ARMCX4: variants seen among roughly 807,000 people sequenced by gnomAD.
ARMCX4 encodes armadillo repeat-containing X-linked protein 4.
In ARMCX4, 3 loss-of-function variants were observed where a neutral mutation model predicts 34.7. That is an observed-to-expected ratio of 0.09 (90% CI 0.04 to 0.22). The LOEUF (loss-of-function observed/expected upper bound fraction) is 0.22, where lower values mean the gene tolerates loss of function less well. Ranked by LOEUF, ARMCX4 falls within the 10% of genes least tolerant of loss-of-function variation. The pLI is 1.00. For missense variants in ARMCX4, 1,448 were observed against 1,720.8 expected (o/e 0.84, Z 2.81); for synonymous variants, 513 against 632.8 (o/e 0.81, Z 2.84).
chrX:101,451,533 G>A (rs1366852513), downstream of ARMCX4, among the ~76,000 whole-genome samples: 7 of 108,309 alleles, frequency 6.5e-5, no homozygotes, highest in Non-Finnish European at 1.2e-4. Flanking sequence ...ACCAGGTACT[G>A]TGAGTACTCA....
At chrX:101,535,745 TTAAG>T (rs1189228475), downstream of ARMCX4, among the ~76,000 whole-genome samples, 5 of 111,983 alleles carry the variant, frequency 4.5e-5, no homozygotes, top group East Asian at 2.8e-4. Flanking sequence ...TTTCCTAAAA[TTAAG>T]TTTTACTAAG....
intron 11 of ARMCX4, among the ~76,000 whole-genome samples, chrX:101,531,331 A>T (rs1399509502): frequency 8.9e-6 from 1 of 112,159 alleles, no homozygotes; most frequent in African/African-American, 3.2e-5. Flanking sequence ...CAATATGTAG[A>T]CATCTTTGAG....
At chrX:101,435,616 T>C (rs1930683367) in intron 2 of ARMCX4, among the ~76,000 whole-genome samples, 1 of 111,035 alleles carries the variant, frequency 9.0e-6, no homozygotes, top group Non-Finnish European at 1.9e-5. Flanking sequence ...GGTAGTTTTT[T>C]TTTTTTGCTG....
intron 2 of ARMCX4, among the ~76,000 whole-genome samples, chrX:101,423,588 G>A (rs1326726882): frequency 9.1e-6 from 1 of 109,480 alleles, no homozygotes; most frequent in Non-Finnish European, 1.9e-5. Context: ...TTGCACTCTA[G>A]CCTGGGCAAC....
chrX:101,499,652 T>C (rs2147685621), downstream of ARMCX4, among the ~76,000 whole-genome samples: 1 of 111,952 alleles, frequency 8.9e-6, no homozygotes, highest in South Asian at 3.7e-4. Context: ...TAGGCGGATG[T>C]AAATACCACA....
intron 4 of ARMCX4, among the ~76,000 whole-genome samples, chrX:101,455,761 C>G (rs1314117759): frequency 9.0e-6 from 1 of 110,999 alleles, no homozygotes; most frequent in Non-Finnish European, 1.9e-5. Context: ...ATCTCACCAC[C>G]CAGATTGTGA....
exon 8 of ARMCX4, chrX:101,505,049 T>C (rs782390720): frequency 1.2e-4 from 13 of 111,707 alleles, no homozygotes; most frequent in Non-Finnish European, 1.7e-4. Context: ...TCCAAAGTCA[T>C]GTTGAGGATG....
intron 7 of ARMCX4, among the ~76,000 whole-genome samples, chrX:101,502,015 G>A (rs1934311557): frequency 8.9e-6 from 1 of 112,441 alleles, no homozygotes; most frequent in African/African-American, 3.2e-5. Flanking sequence ...CCCCTATGGG[G>A]AAATCGCAAC....
chrX:101,512,660 G>T (rs1157721224), intron 11 of ARMCX4, among the ~76,000 whole-genome samples: 1 of 108,876 alleles, frequency 9.2e-6, no homozygotes, highest in South Asian at 4.0e-4. Context: ...ATTTTAATGA[G>T]ATTTCAAGAT....
At position 101,489,388 on chromosome X, in the gene ARMCX4, A is replaced by C. The variant is rs1556007916; in HGVS notation, c.799A>C (p.Met267Leu). ...TGATGCTAGGGGAAATCCCAATGGCATGTCCAGGGAGGTGGCTGGAGTGGA... is the reference window on the plus strand; with the variant it reads ...TGATGCTAGGGGAAATCCCAATGGCCTGTCCAGGGAGGTGGCTGGAGTGGA... ...TVDARGNPNG[M>L]SREVAGVDMK... Residue 267 changes from methionine (M) to leucine (L), a missense_variant, in exon 6 of 6, where the codon ATG becomes CTG. This residue lies in a region of ARMCX4 where 1,343 missense variants were observed against 1,540.7 expected (regional missense o/e 0.87). Coordinates refer to ENST00000423738, the MANE Select transcript of ARMCX4 (RefSeq NM_001256155.3). 2.4e-5 allele frequency: 28 copies of C among 1,155,676 alleles called. No homozygotes were observed. The highest frequency in any genetic ancestry group is 3.0e-5 in the Non-Finnish European group (26 of 872,808).
intron 2 of ARMCX4, among the ~76,000 whole-genome samples, chrX:101,433,029 C>T (rs1253053586): frequency 1.2e-5 from 1 of 80,389 alleles, no homozygotes; most frequent in African/African-American, 4.3e-5. Flanking sequence ...TGTATACATA[C>T]ACGTGTATAT....
chrX:101,421,718 G>C (rs1459694830), intron 2 of ARMCX4, among the ~76,000 whole-genome samples: 1 of 110,383 alleles, frequency 9.1e-6, no homozygotes, highest in African/African-American at 3.3e-5. Flanking sequence ...CCAAGAGATA[G>C]AGCAAGAGGA....
chrX:101,473,406 G>A (rs1556003522), intron 4 of ARMCX4, among the ~76,000 whole-genome samples: 1 of 101,819 alleles, frequency 9.8e-6, no homozygotes, highest in African/African-American at 3.6e-5. Flanking sequence ...CAACGAGACA[G>A]AAAGTCAACA....
At chrX:101,435,594 G>A (rs1417354652) in intron 2 of ARMCX4, among the ~76,000 whole-genome samples, 2 of 109,195 alleles carry the variant, frequency 1.8e-5, no homozygotes, top group Non-Finnish European at 3.8e-5. Context: ...TAGGTTGCCT[G>A]TTCACTCTGA....
upstream of ARMCX4, among the ~76,000 whole-genome samples, chrX:101,480,544 C>T (rs868976931): frequency 6.3e-5 from 7 of 111,239 alleles, no homozygotes; most frequent in Middle Eastern, 9.2e-3. Context: ...CCAGCCTGGG[C>T]GACACAGCGA....
intron 8 of ARMCX4, among the ~76,000 whole-genome samples, chrX:101,508,699 C>A (rs1029252461): frequency 9.0e-5 from 10 of 111,310 alleles, no homozygotes; most frequent in African/African-American, 3.3e-4. Flanking sequence ...TTTTCTACAC[C>A]CAGAAGCAAT....
intron 7 of ARMCX4, chrX:101,504,842 C>T (rs1306871476): frequency 5.4e-5 from 6 of 111,396 alleles, no homozygotes; most frequent in African/African-American, 2.0e-4. Flanking sequence ...CTGATTGGTC[C>T]TTGAGGCAGT....
chrX:101,419,465 CAAAG>C (rs1485731035), intron 2 of ARMCX4, among the ~76,000 whole-genome samples: 5 of 111,988 alleles, frequency 4.5e-5, no homozygotes, highest in African/African-American at 1.3e-4. Flanking sequence ...AATTATAACT[CAAAG>C]AAGCTCTTAA....
At chrX:101,464,985 G>C (rs1556001758) in intron 4 of ARMCX4, among the ~76,000 whole-genome samples, 1 of 111,377 alleles carries the variant, frequency 9.0e-6, no homozygotes, top group Non-Finnish European at 1.9e-5. Flanking sequence ...TAATGTCTAG[G>C]ATGTATTTTT....
Sources: allele counts gnomAD v4.1 joint callset (sites outside exome capture counted in the v4.1 genomes callset), GRCh38; gene constraint gnomAD v4.1.1; regional missense constraint gnomAD v4.1.1; transcripts MANE v1.5; gene names NCBI Gene and HGNC (gene_info 2026-07-23, HGNC 2026-07-21).